The following TNRC6A variants were observed in gnomAD, a reference collection of about 807,000 sequenced individuals.
TNRC6A encodes trinucleotide repeat containing adaptor 6A.
TNRC6A carries 44 observed loss-of-function variants against 221.2 expected under a neutral mutation model. The ratio of observed to expected loss-of-function variants is 0.20; its 90% CI spans 0.16 to 0.26. TNRC6A has a LOEUF of 0.26. TNRC6A is among the 10% of genes least tolerant of loss of function. The probability of loss-of-function intolerance (pLI) is 1.00; values close to 1 mark genes in which losing one functional copy is unlikely to be tolerated. For missense variants in TNRC6A, 2,199 were observed against 2,404.4 expected (o/e 0.91, Z 1.79); for synonymous variants, 847 against 838.5 (o/e 1.01, Z -0.18).
intron 2 of TNRC6A, among the ~76,000 whole-genome samples, chr16:24,652,894 C>G (rs1414981977): frequency 6.6e-6 from 1 of 152,194 alleles, no homozygotes; most frequent in African/African-American, 2.4e-5. Context: ...CTTGCACTAT[C>G]TGACATTGAT....
rs2057507705 is a variant in TNRC6A, at chr16:24,767,914, T to G, written c.164-9019T>G. ...GTCACAAATGGAAGCTGAAGCTCTC[T>G]AGAGATTGCTACAGTGTCTTCCAGA... On this transcript the variant is annotated intron_variant, in intron 4 of 24. Coordinates refer to ENST00000395799, the MANE Select transcript of TNRC6A (RefSeq NM_014494.4). Among the ~76,000 whole-genome samples, 5 of 152,332 alleles carry G rather than the reference T, an allele frequency of 3.3e-5. No homozygotes were observed. In the South Asian group the frequency reaches 8.3e-4, roughly 25 times the overall value.
chr16:24,708,856 T>C (rs1200420253), intron 2 of TNRC6A, among the ~76,000 whole-genome samples: 1 of 152,188 alleles, frequency 6.6e-6, no homozygotes, highest in Non-Finnish European at 1.5e-5. Flanking sequence ...TCAGTAGTAT[T>C]CCATGATACA....
At chr16:24,760,713 G>A (rs113677004) in intron 4 of TNRC6A, among the ~76,000 whole-genome samples, 1 of 151,474 alleles carries the variant, frequency 6.6e-6, no homozygotes, top group South Asian at 2.1e-4. Context: ...CTACTTGGTG[G>A]TGGTGGTGTT....
chr16:24,757,927 C>CT, intron 3 of TNRC6A, among the ~76,000 whole-genome samples: 1 of 152,268 alleles, frequency 6.6e-6, no homozygotes, highest in South Asian at 2.1e-4. Context: ...CCTAATTCGT[C>CT]TTTTTATCAC....
Position 24,777,102 on chromosome 16 carries a change from G to A in TNRC6A, c.333G>A (p.Gln111=). ...QQQPQQQQPQ[Q]QPQPQPQQQQ... is the part of the protein sequence containing the mutation. ...AGCCGCAGCAGCAGCAGCCACAGCA[G>A]CAGCCACAGCCGCAGCCGCAGCAGC... is the stretch of plus-strand genomic sequence containing the variant. Residue 111 remains glutamine, a synonymous_variant, in exon 5 of 25, where the codon CAG becomes CAA. Coordinates refer to ENST00000395799, the MANE Select transcript of TNRC6A (RefSeq NM_014494.4). 9.2e-7 allele frequency: 1 copy of A among 1,090,678 alleles called. No individual in the cohort carries two copies. Among genetic ancestry groups the A allele is most frequent in the South Asian group, 1.5e-5 (1 of 65,584 alleles). The allele number at this position is 1,090,678 out of a possible 1,614,324, so 67.6% of individuals were successfully genotyped here. A position where few individuals can be genotyped will look rare whatever the true frequency, so the allele number is the denominator to read the frequency against.
intron 2 of TNRC6A, among the ~76,000 whole-genome samples, chr16:24,704,746 G>T (rs997746120): frequency 2.3e-4 from 34 of 147,486 alleles, no homozygotes; most frequent in African/African-American, 8.4e-4. Flanking sequence ...TATTATTTAC[G>T]TACTCACTTT....
chr16:24,768,999 A>C (rs938825718), intron 4 of TNRC6A, among the ~76,000 whole-genome samples: 14 of 152,214 alleles, frequency 9.2e-5, no homozygotes, highest in Non-Finnish European at 1.9e-4. Flanking sequence ...ATTTTCTGAA[A>C]TCAGTTTATT....
intron 4 of TNRC6A, among the ~76,000 whole-genome samples, chr16:24,759,041 T>C (rs2057308933): frequency 6.6e-6 from 1 of 152,084 alleles, no homozygotes; most frequent in Non-Finnish European, 1.5e-5. Context: ...TTTTAAGCTC[T>C]ATCAAAAGTA....
At chr16:24,778,268 C>T in intron 5 of TNRC6A, 5 of 984,938 alleles carry the variant, frequency 5.1e-6, no homozygotes, top group Non-Finnish European at 6.0e-6. Context: ...GGTAGTTACT[C>T]ACTTTCTATA....
At chr16:24,680,752 C>G (rs977029862) in intron 2 of TNRC6A, among the ~76,000 whole-genome samples, 1 of 150,520 alleles carries the variant, frequency 6.6e-6, no homozygotes, top group Non-Finnish European at 1.5e-5. Context: ...TATTAGGAAG[C>G]GTTTTTTTGT....
chr16:24,679,626 G>A (rs906886789), intron 2 of TNRC6A, among the ~76,000 whole-genome samples: 3 of 151,982 alleles, frequency 2.0e-5, no homozygotes, highest in Non-Finnish European at 2.9e-5. Flanking sequence ...ACAGGCACAC[G>A]CTGCCACATC....
intron 4 of TNRC6A, among the ~76,000 whole-genome samples, chr16:24,765,694 C>G (rs930459993): frequency 6.6e-6 from 1 of 151,694 alleles, no homozygotes; most frequent in Non-Finnish European, 1.5e-5. Context: ...AGCTATGTAA[C>G]AAATAAGATT....
intron 2 of TNRC6A, among the ~76,000 whole-genome samples, chr16:24,680,092 G>C (rs967049571): frequency 6.6e-5 from 10 of 152,104 alleles, no homozygotes; most frequent in Non-Finnish European, 1.5e-5. Context: ...GGGTGCTTAA[G>C]AAGGAATTAG....
intron 2 of TNRC6A, among the ~76,000 whole-genome samples, chr16:24,688,191 G>A (rs185941711): frequency 1.7e-4 from 26 of 151,274 alleles, no homozygotes; most frequent in Admixed American, 9.2e-4. Flanking sequence ...TGCTGATCTT[G>A]GCCTCCCAAA....
At position 24,734,194 on chromosome 16, in the gene TNRC6A, A is replaced by AG. The variant is rs2056710113; in HGVS notation, c.53+3896dup. On this transcript the variant is annotated intron_variant, in intron 2 of 24. Transcript: ENST00000395799. ...TGTCTCAAAGCAAAAAGAGAGAGAA[A>AG]GGAAAAAAAAGATGAGTGTATAAGA... Among the ~76,000 whole-genome samples the AG allele has an allele frequency of 3.3e-5, 5 of 152,286 alleles. No homozygotes were observed. The East Asian group carries it at 9.6e-4, about 29-fold the overall frequency.
At position 24,821,926 on chromosome 16, in the gene TNRC6A, G is replaced by A. The variant is rs1041702053; in HGVS notation, c.5303-151G>A. On this transcript the variant is annotated intron_variant, in intron 22 of 24. Transcript: ENST00000395799. ...GAGTTAATGCCTGGCCATGGCTAGG[G>A]CGAGCTGAAATTCTGGGCCTAGGGA... 7.1e-6 allele frequency: 5 copies of A among 706,566 alleles called. No individual in the cohort carries two copies. The Admixed American group carries it at 1.2e-4, about 17-fold the overall frequency. The allele number at this position is 706,566 out of a possible 1,614,324, so 43.8% of individuals were successfully genotyped here. A position where few individuals can be genotyped will look rare whatever the true frequency, so the allele number is the denominator to read the frequency against.
At chr16:24,623,970 A>C (rs563418143) in intron 1 of TNRC6A, among the ~76,000 whole-genome samples, 12 of 151,576 alleles carry the variant, frequency 7.9e-5, no homozygotes, top group African/African-American at 2.9e-4. Context: ...CATTAAAGCA[A>C]ATGGTTCTTT....
In TNRC6A at chr16:24,811,127, C is replaced by A. The variant is rs535538443; in HGVS notation, c.4672+1646C>A. 6.7e-4 allele frequency among the ~76,000 whole-genome samples: 102 copies of A among 152,244 alleles called. No individual in the cohort carries two copies. The Middle Eastern group carries it at 0.01, about 15-fold the overall frequency. On this transcript the variant is annotated intron_variant, in intron 18 of 24. Coordinates refer to ENST00000395799, the MANE Select transcript of TNRC6A (RefSeq NM_014494.4). The stretch of plus-strand genomic sequence containing the variant: ...AGGCACTCTTAGCTGGCAGAGTAGT[C>A]CATGGGCTTGGAGGAGCACAGGAGC...
At chr16:24,629,043 A>G (rs1302484062) in intron 1 of TNRC6A, among the ~76,000 whole-genome samples, 3 of 152,188 alleles carry the variant, frequency 2.0e-5, no homozygotes, top group Non-Finnish European at 4.4e-5. Flanking sequence ...TAAAGTTGTA[A>G]ATCTAAAAAC....
Sources: allele counts gnomAD v4.1 joint callset (sites outside exome capture counted in the v4.1 genomes callset), GRCh38; gene constraint gnomAD v4.1.1; transcripts MANE v1.5; gene names NCBI Gene and HGNC (gene_info 2026-07-23, HGNC 2026-07-21).